The following ACSS3 variants were observed in gnomAD, a reference collection of about 807,000 sequenced individuals.
ACSS3 encodes the protein acyl-CoA synthetase short-chain family member 3, mitochondrial.
ACSS3 carries 64 observed loss-of-function variants against 84.2 expected under a neutral mutation model. The ratio of observed to expected loss-of-function variants is 0.76; its 90% confidence interval spans 0.62 to 0.94. The LOEUF is 0.94. Among genes scored for constraint, ACSS3 ranks in the 40% least tolerant of loss-of-function variants. The probability of loss-of-function intolerance (pLI) is 0.00; values close to 1 mark genes in which losing one functional copy is unlikely to be tolerated. For missense variants in ACSS3, 815 were observed against 867.6 expected, an observed-to-expected ratio of 0.94 and a Z score of 0.76; for synonymous variants, 317 against 310.1, an observed-to-expected ratio of 1.02 and a Z score of -0.23.
chr12:81,195,217 C>T (rs1480320910), intron 8 of ACSS3, among the ~76,000 whole-genome samples: 6 of 151,918 alleles, frequency 3.9e-5, no homozygotes, highest in Admixed American at 1.3e-4. Context: ...TCTTTCATCA[C>T]AGGAGTTTTC....
intron 1 of ACSS3, among the ~76,000 whole-genome samples, chr12:81,094,127 G>A: frequency 6.7e-6 from 1 of 149,652 alleles, no homozygotes. Context: ...GCATCTTTGG[G>A]CTTGGCATTC....
intron 1 of ACSS3, among the ~76,000 whole-genome samples, chr12:81,108,680 C>T (rs1291924500): frequency 2.0e-5 from 3 of 152,154 alleles, no homozygotes; most frequent in African/African-American, 4.8e-5. Context: ...GAAAGTGATA[C>T]TCAGCTATTT....
At chr12:81,162,681 C>T (rs992170210) in intron 7 of ACSS3, among the ~76,000 whole-genome samples, 3 of 152,108 alleles carry the variant, frequency 2.0e-5, no homozygotes, top group African/African-American at 7.2e-5. Flanking sequence ...CTCCTGCTGT[C>T]ATTAACATGT....
chr12:81,161,629 T>G (rs1054826966), intron 7 of ACSS3, among the ~76,000 whole-genome samples: 2 of 152,130 alleles, frequency 1.3e-5, no homozygotes, highest in Non-Finnish European at 2.9e-5. Flanking sequence ...ACCCTTGGGA[T>G]GTTGCTTTTC....
At chr12:81,165,651 G>GA (rs11366530) in intron 7 of ACSS3, among the ~76,000 whole-genome samples, 2,628 of 142,460 alleles carry the variant, frequency 0.018, 66 homozygotes, top group East Asian at 0.087. Flanking sequence ...GTCTCAAAAA[G>GA]AAAAAAAAAA....
chr12:81,161,626 G>A (rs1182969656), intron 7 of ACSS3, among the ~76,000 whole-genome samples: 1 of 152,164 alleles, frequency 6.6e-6, no homozygotes, highest in African/African-American at 2.4e-5. Flanking sequence ...AGGACCCTTG[G>A]GATGTTGCTT....
At chr12:81,146,197 G>A (rs1886332605) in intron 5 of ACSS3, among the ~76,000 whole-genome samples, 3 of 152,046 alleles carry the variant, frequency 2.0e-5, no homozygotes, top group African/African-American at 7.2e-5. Context: ...ATTAAAATTT[G>A]ACCCAGGTAG....
chr12:81,141,417 C>T (rs1886087836), intron 4 of ACSS3, among the ~76,000 whole-genome samples: 1 of 152,168 alleles, frequency 6.6e-6, no homozygotes, highest in Non-Finnish European at 1.5e-5. Context: ...GGCTGCCACA[C>T]CTAAGCCTCA....
intron 8 of ACSS3, among the ~76,000 whole-genome samples, chr12:81,187,596 A>G (rs1366804808): frequency 6.6e-6 from 1 of 151,862 alleles, no homozygotes; most frequent in Non-Finnish European, 1.5e-5. Flanking sequence ...TTTTTCATAT[A>G]GCTACCAATT....
chr12:81,173,783 G>T (rs1421747806), intron 7 of ACSS3, among the ~76,000 whole-genome samples: 1 of 152,058 alleles, frequency 6.6e-6, no homozygotes, highest in African/African-American at 2.4e-5. Context: ...AACAGAGATC[G>T]AGAATTTAAT....
chr12:81,155,151 A>G (rs578196886), intron 7 of ACSS3, among the ~76,000 whole-genome samples: 1 of 152,272 alleles, frequency 6.6e-6, no homozygotes, highest in South Asian at 2.1e-4. Flanking sequence ...CACAATTAAT[A>G]AATACTTGTG....
rs1555184825 is a variant in ACSS3, at chr12:81,251,668, C to CAAAAAACAAAA, written c.1720-1633_1720-1632insCAAAAAAAAAA. On this transcript the variant is annotated intron_variant, in intron 13 of 15. Coordinates refer to ENST00000548058, the MANE Select transcript of ACSS3 (RefSeq NM_024560.4). Reference sequence around the variant, plus strand: ...GGAACATGGCGAAACCCCATCTCTACAAAAAAAAAAAAAAAATACAAAAAT... The same window carrying CAAAAAACAAAA: ...GGAACATGGCGAAACCCCATCTCTACAAAAAACAAAAAAAAAAAAAAAAAAAATACAAAAAT... 2.1e-3 allele frequency among the ~76,000 whole-genome samples: 187 copies of CAAAAAACAAAA among 87,852 alleles called. 1 individual carries two copies. Among genetic ancestry groups the CAAAAAACAAAA allele is most frequent in the Non-Finnish European group, 1.7e-3 (75 of 43,190 alleles). 57.6% of individuals were successfully genotyped at this position (87,852 alleles called of 152,430 possible).
chr12:81,178,104 C>T (rs1473230236), intron 8 of ACSS3, among the ~76,000 whole-genome samples: 2 of 151,754 alleles, frequency 1.3e-5, no homozygotes, highest in Non-Finnish European at 2.9e-5. Context: ...GAAAATGTGG[C>T]ACATATACAC....
rs556515526 is a variant in ACSS3 at position 81,228,933 on chromosome 12, A to G, written c.1515-2124A>G. On this transcript the variant is annotated intron_variant, in intron 11 of 15. Coordinates refer to ENST00000548058, the MANE Select transcript of ACSS3 (RefSeq NM_024560.4). ...ATATTTTTTGATATGCATAGCTCTCATCATGGGCAATATTACATGTTCAGA... is the reference window on the plus strand; with the variant it reads ...ATATTTTTTGATATGCATAGCTCTCGTCATGGGCAATATTACATGTTCAGA... Among the ~76,000 whole-genome samples the G allele has an allele frequency of 1.8e-3, 278 of 151,916 alleles. 1 individual carries two copies. Among genetic ancestry groups the G allele is most frequent in the African/African-American group, 6.2e-3 (257 of 41,480 alleles).
intron 15 of ACSS3, 93 bp from the exon 16 acceptor site, chr12:81,254,764 G>A: frequency 9.9e-7 from 1 of 1,006,156 alleles, no homozygotes. Context: ...ACAAGACAAT[G>A]GGGAAAACAA....
chr12:81,235,902 T>C (rs2033616094), intron 13 of ACSS3, among the ~76,000 whole-genome samples: 1 of 151,392 alleles, frequency 6.6e-6, no homozygotes, highest in African/African-American at 2.4e-5. Context: ...TGTAAACAAT[T>C]ATGTTACATG....
chr12:81,173,445 G>A (rs1035072052), intron 7 of ACSS3, among the ~76,000 whole-genome samples: 7 of 151,894 alleles, frequency 4.6e-5, no homozygotes, highest in Non-Finnish European at 8.8e-5. Context: ...AAAACAGATT[G>A]AAATAGTTTT....
chr12:81,181,707 G>A (rs2030934945), intron 8 of ACSS3, among the ~76,000 whole-genome samples: 2 of 50,410 alleles, frequency 4.0e-5, no homozygotes, highest in East Asian at 6.0e-4. Flanking sequence ...TCATAAAAAA[G>A]AATCAGAAAT....
chr12:81,138,836 A>T (rs1006619918), intron 3 of ACSS3, among the ~76,000 whole-genome samples: 13 of 152,158 alleles, frequency 8.5e-5, no homozygotes, highest in African/African-American at 2.9e-4. Flanking sequence ...GTACTAGTTT[A>T]TGGCAAATCC....
Sources: allele counts gnomAD v4.1 joint callset (sites outside exome capture counted in the v4.1 genomes callset), GRCh38; gene constraint gnomAD v4.1.1; transcripts MANE v1.5; gene names NCBI Gene and HGNC (gene_info 2026-07-23, HGNC 2026-07-21).